Variants in TACR1 observed in about 807,000 individuals in gnomAD.
TACR1 encodes the protein substance-P receptor.
In TACR1, 25 loss-of-function variants were observed where a neutral mutation model predicts 35.8. That is an observed-to-expected ratio of 0.70 (90% CI 0.51 to 0.98). TACR1 has a LOEUF of 0.98. Ranked by LOEUF, TACR1 falls within the 50% of genes least tolerant of loss-of-function variation. TACR1 has a pLI of 0.00. For synonymous variants in TACR1, 195 were observed against 206.7 expected (o/e 0.94, Z 0.48); for missense variants, 478 against 522.9 (o/e 0.91, Z 0.84).
rs182676625 is a variant in TACR1 at position 75,104,535 on chromosome 2, G to A, written c.584+16039C>T. ...ACTTGAAACATGCTTTAGACCAAAT[G>A]TACCTGACAGACATATATGGCACAT... On this transcript the variant is annotated intron_variant, in intron 2 of 4. Coordinates refer to ENST00000305249, the MANE Select transcript of TACR1 (RefSeq NM_001058.4). 3.8e-3 allele frequency among the ~76,000 whole-genome samples: 573 copies of A among 152,112 alleles called. 4 individuals carry two copies. Among genetic ancestry groups the A allele is most frequent in the Middle Eastern group, 6.8e-3 (2 of 294 alleles).
At chr2:75,114,272 G>GT (rs1172947824) in intron 2 of TACR1, among the ~76,000 whole-genome samples, 1 of 152,062 alleles carries the variant, frequency 6.6e-6, no homozygotes, top group Non-Finnish European at 1.5e-5. Flanking sequence ...ATAAAATTAT[G>GT]TACATAGAAA....
At chr2:75,058,865 G>T (rs1423075494) in intron 2 of TACR1, among the ~76,000 whole-genome samples, 1 of 152,210 alleles carries the variant, frequency 6.6e-6, no homozygotes, top group Non-Finnish European at 1.5e-5. Flanking sequence ...TTGAAAGCAA[G>T]AACAGTTTCA....
intron 1 of TACR1, among the ~76,000 whole-genome samples, chr2:75,165,651 G>C (rs1300892649): frequency 2.0e-5 from 3 of 152,154 alleles, no homozygotes; most frequent in Non-Finnish European, 4.4e-5. Context: ...CACTGGAGTA[G>C]TCTGGGAGGG....
intron 2 of TACR1, among the ~76,000 whole-genome samples, chr2:75,102,008 C>T (rs1319892162): frequency 6.6e-6 from 1 of 152,076 alleles, no homozygotes; most frequent in East Asian, 1.9e-4. Context: ...GGTTGCTTGA[C>T]TAGTGGCATG....
At chr2:75,084,905 A>AT (rs1283364772) in intron 2 of TACR1, among the ~76,000 whole-genome samples, 1 of 151,938 alleles carries the variant, frequency 6.6e-6, no homozygotes, top group Non-Finnish European at 1.5e-5. Context: ...TTATTTGAAG[A>AT]TTTTTTTATG....
intron 2 of TACR1, among the ~76,000 whole-genome samples, chr2:75,094,861 T>TATATATATATATATATA (rs1558551241): frequency 4.8e-4 from 29 of 60,706 alleles, no homozygotes; most frequent in African/African-American, 2.1e-3. Flanking sequence ...ATATATATAT[T>TATATATATATATATATA]TTTTTTTTTT....
chr2:75,068,888 C>T (rs1488512746), intron 2 of TACR1, among the ~76,000 whole-genome samples: 2 of 152,076 alleles, frequency 1.3e-5, no homozygotes, highest in Non-Finnish European at 2.9e-5. Context: ...GAAGGAATGC[C>T]ATCAGTATGG....
At chr2:75,127,368 T>A (rs1674093718) in intron 1 of TACR1, among the ~76,000 whole-genome samples, 1 of 152,218 alleles carries the variant, frequency 6.6e-6, no homozygotes, top group Non-Finnish European at 1.5e-5. Context: ...ATCATTTTTA[T>A]TATTAATTAA....
At chr2:75,131,250 G>T (rs1385325130) in intron 1 of TACR1, among the ~76,000 whole-genome samples, 1 of 151,918 alleles carries the variant, frequency 6.6e-6, no homozygotes, top group Non-Finnish European at 1.5e-5. Context: ...CACCATGCTT[G>T]GCTAATTTTT....
intron 1 of TACR1, among the ~76,000 whole-genome samples, chr2:75,195,860 C>G (rs1675957283): frequency 6.6e-6 from 1 of 152,016 alleles, no homozygotes; most frequent in South Asian, 2.1e-4. Flanking sequence ...TTGAATAACA[C>G]AGGAAGGTGT....
At position 75,198,623 on chromosome 2, in the gene TACR1, G is replaced by A; in HGVS notation, c.312C>T (p.Tyr104=). 6.2e-7 allele frequency: 1 copy of A among 1,614,212 alleles called. No homozygotes were observed. The highest frequency in any genetic ancestry group is 8.5e-7 in the Non-Finnish European group (1 of 1,180,034). Residue 104 remains tyrosine, a synonymous_variant, in exon 1 of 5, where the codon TAC becomes TAT. Coordinates refer to ENST00000305249, the MANE Select transcript of TACR1 (RefSeq NM_001058.4). ...VHNEWYYGLF[Y]CKFHNFFPIA... is the part of the protein sequence containing the mutation. ...TGGGAAAGAAGTTGTGGAACTTGCA[G>A]TAGAACAGGCCGTAGTACCATTCGT... is the stretch of plus-strand genomic sequence containing the variant.
intron 2 of TACR1, among the ~76,000 whole-genome samples, chr2:75,081,575 A>G (rs72807362): frequency 9.9e-5 from 15 of 152,140 alleles, no homozygotes; most frequent in Non-Finnish European, 2.1e-4. Context: ...CATGTATAAG[A>G]CCCCTCTAGG....
Position 75,052,529 on chromosome 2 carries a change from A to G in TACR1, c.735+1076T>C, listed in dbSNP as rs371398946. 3.3e-5 allele frequency among the ~76,000 whole-genome samples: 5 copies of G among 152,328 alleles called. No individual in the cohort carries two copies. In the East Asian group the frequency reaches 7.7e-4, roughly 23 times the overall value. On this transcript the variant is annotated intron_variant, in intron 3 of 4. Transcript: ENST00000305249. ...CAATGCTATGCAGAGAAGTACCAAC[A>G]GAGAATACTAAGCAAAGAAGTACCA...
intron 2 of TACR1, among the ~76,000 whole-genome samples, chr2:75,091,731 G>T (rs748752996): frequency 1.4e-4 from 22 of 152,172 alleles, no homozygotes; most frequent in Non-Finnish European, 3.2e-4. Flanking sequence ...AACTCTAGAA[G>T]TGGGTTCCAA....
chr2:75,146,065 G>A (rs964979492), intron 1 of TACR1, among the ~76,000 whole-genome samples: 3 of 152,096 alleles, frequency 2.0e-5, no homozygotes, highest in Non-Finnish European at 4.4e-5. Context: ...GTAAAGGAGG[G>A]GTGGTATAAG....
intron 2 of TACR1, among the ~76,000 whole-genome samples, chr2:75,058,585 A>G (rs2103792501): frequency 6.6e-6 from 1 of 152,362 alleles, no homozygotes; most frequent in South Asian, 2.1e-4. Context: ...CTGGGTTGTC[A>G]TAGACCTGAG....
Position 75,120,734 on chromosome 2 carries a change from G to A in TACR1, c.424C>T (p.Leu142=). The A allele has an allele frequency of 2.5e-6, 4 of 1,613,630 alleles. No individual in the cohort carries two copies. Among genetic ancestry groups the A allele is most frequent in the Non-Finnish European group, 3.4e-6 (4 of 1,179,884 alleles). ...ACCACTTTGGTGGCTGTGGCTGACA[G>A]CCGGGGCTGGAGGGGATGTATGATG... is the stretch of plus-strand genomic sequence containing the variant. The part of the protein sequence containing the change: ...MAIIHPLQPR[L]SATATKVVIC... Residue 142 remains leucine, a synonymous_variant, in exon 2 of 5, where the codon CTG becomes TTG. Coordinates refer to ENST00000305249, the MANE Select transcript of TACR1 (RefSeq NM_001058.4).
chr2:75,140,773 T>G (rs1302406002), intron 1 of TACR1, among the ~76,000 whole-genome samples: 1 of 152,186 alleles, frequency 6.6e-6, no homozygotes, highest in Non-Finnish European at 1.5e-5. Context: ...ATGCATTCCT[T>G]GTGGTGTCTA....
rs558135419 is a variant in TACR1 at position 75,153,387 on chromosome 2, T to C, written c.390-32619A>G. Among the ~76,000 whole-genome samples the C allele has an allele frequency of 8.7e-4, 98 of 112,864 alleles. 3 individuals are homozygous for C. The South Asian group carries it at 0.028, about 32-fold the overall frequency. 74.0% of individuals were successfully genotyped at this position (112,864 alleles called of 152,430 possible). On this transcript the variant is annotated intron_variant, in intron 1 of 4. Coordinates refer to ENST00000305249, the MANE Select transcript of TACR1 (RefSeq NM_001058.4). ...TGAAAGACTGCTTCTCAGAAGATAG[T>C]CCTGACACCTAAGTGGGTGACTGAG... is the stretch of plus-strand genomic sequence containing the variant.
Sources: allele counts gnomAD v4.1 joint callset (sites outside exome capture counted in the v4.1 genomes callset), GRCh38; gene constraint gnomAD v4.1.1; transcripts MANE v1.5; gene names NCBI Gene and HGNC (gene_info 2026-07-23, HGNC 2026-07-21).